ADK: variants seen among roughly 807,000 people sequenced by gnomAD.
The protein encoded by ADK is N6,N6-dimethyladenosine kinase.
In ADK, 24 loss-of-function variants were observed where a neutral mutation model predicts 44.7. That is an observed-to-expected ratio of 0.54 (90% CI 0.39 to 0.76). ADK has a LOEUF of 0.76. Among genes scored for constraint, ADK ranks in the 30% least tolerant of loss-of-function variants. The pLI is 0.00. For synonymous variants in ADK, 128 were observed against 142.6 expected (o/e 0.90, Z 0.73); for missense variants, 321 against 425.1 (o/e 0.76, Z 2.15).
At chr10:74,667,466 A>G (rs1213701305) in intron 9 of ADK, among the ~76,000 whole-genome samples, 2 of 151,762 alleles carry the variant, frequency 1.3e-5, no homozygotes, top group Middle Eastern at 3.4e-3. Context: ...ATATATCTCC[A>G]GAAAAAATCA....
At chr10:74,400,393 T>C (rs575021553) in intron 6 of ADK, among the ~76,000 whole-genome samples, 2 of 152,312 alleles carry the variant, frequency 1.3e-5, no homozygotes, top group South Asian at 4.1e-4. Flanking sequence ...TGGGACGCTG[T>C]ATATTCTTAG....
chr10:74,230,211 A>T (rs894388220), intron 3 of ADK, among the ~76,000 whole-genome samples: 3 of 152,054 alleles, frequency 2.0e-5, no homozygotes, highest in Non-Finnish European at 2.9e-5. Flanking sequence ...GTACAGTTTT[A>T]AAAATATCAT....
At position 74,690,305 on chromosome 10, in the gene ADK, G is replaced by A. The variant is rs189972482; in HGVS notation, c.965-18016G>A. On this transcript the variant is annotated intron_variant, in intron 10 of 10. Coordinates refer to ENST00000539909, the MANE Select transcript of ADK (RefSeq NM_006721.4). Reference sequence around the variant, plus strand: ...AACTCAGGAGTTTGTTACCAGCCTGGGAAACATGGGGAAACCCCATCTCTA... The same window carrying A: ...AACTCAGGAGTTTGTTACCAGCCTGAGAAACATGGGGAAACCCCATCTCTA... Among the ~76,000 whole-genome samples the A allele has an allele frequency of 6.2e-3, 950 of 152,224 alleles. 12 individuals are homozygous for A. Among genetic ancestry groups the A allele is most frequent in the African/African-American group, 0.022 (903 of 41,518 alleles).
chr10:74,334,887 C>G (rs867468431), intron 4 of ADK, among the ~76,000 whole-genome samples: 3 of 152,118 alleles, frequency 2.0e-5, no homozygotes, highest in African/African-American at 7.2e-5. Context: ...TAGGTGCCTT[C>G]ATTCAGAGGC....
At chr10:74,399,231 T>C (rs1408409573) in intron 6 of ADK, among the ~76,000 whole-genome samples, 2 of 151,242 alleles carry the variant, frequency 1.3e-5, no homozygotes, top group African/African-American at 4.9e-5. Context: ...AATGTGGCTT[T>C]ACACAAATAA....
At chr10:74,512,873 T>C (rs1194972349) in intron 6 of ADK, among the ~76,000 whole-genome samples, 2 of 152,064 alleles carry the variant, frequency 1.3e-5, no homozygotes, top group Non-Finnish European at 2.9e-5. Context: ...AAATCTTTCT[T>C]GTTTTTTGAT....
chr10:74,642,593 A>C (rs1158284670), intron 9 of ADK, among the ~76,000 whole-genome samples: 1 of 152,024 alleles, frequency 6.6e-6, no homozygotes, highest in African/African-American at 2.4e-5. Context: ...GGTTACTGAT[A>C]TCATCTTTAC....
chr10:74,324,880 T>G (rs1000491185), intron 4 of ADK, among the ~76,000 whole-genome samples: 3 of 152,190 alleles, frequency 2.0e-5, no homozygotes, highest in Non-Finnish European at 4.4e-5. Flanking sequence ...CAGGGTTCCC[T>G]TAATATTTCG....
intron 6 of ADK, among the ~76,000 whole-genome samples, chr10:74,491,807 T>TC (rs907087015): frequency 5.3e-5 from 8 of 152,090 alleles, no homozygotes; most frequent in Admixed American, 3.3e-4. Flanking sequence ...TGTGTTGCTT[T>TC]CCCCCCCGAT....
intron 9 of ADK, among the ~76,000 whole-genome samples, chr10:74,626,300 A>AAGAGTCT (rs1382450447): frequency 8.0e-5 from 12 of 150,284 alleles, no homozygotes; most frequent in Non-Finnish European, 1.0e-4. Flanking sequence ...TAAAGAGTCT[A>AAGAGTCT]AATTTTTTTT....
At chr10:74,473,045 A>G (rs913601174) in intron 6 of ADK, among the ~76,000 whole-genome samples, 2 of 152,112 alleles carry the variant, frequency 1.3e-5, no homozygotes, top group Non-Finnish European at 2.9e-5. Context: ...GCTGGAAGAC[A>G]GTGATGTGAT....
intron 7 of ADK, among the ~76,000 whole-genome samples, chr10:74,533,465 G>A (rs888957727): frequency 2.6e-5 from 4 of 152,180 alleles, no homozygotes; most frequent in Admixed American, 1.3e-4. Context: ...AGAAGGGAAC[G>A]TCCAGAAATA....
chr10:74,586,562 A>G (rs1346971876), intron 7 of ADK, among the ~76,000 whole-genome samples: 1 of 152,176 alleles, frequency 6.6e-6, no homozygotes, highest in Non-Finnish European at 1.5e-5. Context: ...TTTTAAAAAT[A>G]ATTTTTTTGG....
rs1848992337 is a variant in ADK, at chr10:74,525,261, T to C, written c.561T>C (p.Phe187=). The change falls in exon 7 of 11, where the codon TTT becomes TTC. Residue 187 remains phenylalanine, a synonymous_variant. Transcript: ENST00000539909. ...CTCCTTTTTTCTTCATCCAGGGCTT[T>C]TTTCTTACAGTTTCCCCAGAGTCAG... The part of the protein sequence containing the change: ...EKARVCYIAG[F]FLTVSPESVL... 6.2e-7 allele frequency: 1 copy of C among 1,613,826 alleles called. No individual in the cohort carries two copies. Among genetic ancestry groups the C allele is most frequent in the Non-Finnish European group, 8.5e-7 (1 of 1,179,872 alleles).
chr10:74,542,674 T>C (rs1849680517), intron 7 of ADK, among the ~76,000 whole-genome samples: 1 of 152,102 alleles, frequency 6.6e-6, no homozygotes, highest in South Asian at 2.1e-4. Context: ...CCTCTATAAA[T>C]AATCTCATTA....
At chr10:74,195,637 C>T (rs183548419) in intron 1 of ADK, among the ~76,000 whole-genome samples, 26 of 151,884 alleles carry the variant, frequency 1.7e-4, no homozygotes, top group African/African-American at 6.3e-4. Flanking sequence ...GTGTGCACCA[C>T]CATGCCTGGC....
intron 6 of ADK, among the ~76,000 whole-genome samples, chr10:74,507,270 C>A (rs551132683): frequency 1.8e-4 from 27 of 152,210 alleles, no homozygotes; most frequent in African/African-American, 6.3e-4. Context: ...TGCATTCTTC[C>A]ATAAGCATGT....
chr10:74,176,512 C>CA, intron 1 of ADK: 1 of 1,202,336 alleles, frequency 8.3e-7, no homozygotes, highest in Non-Finnish European at 1.0e-6. Flanking sequence ...GGCGGGCACC[C>CA]AATCTCTCGC....
chr10:74,378,246 G>C (rs1422458483), intron 4 of ADK, among the ~76,000 whole-genome samples: 3 of 151,994 alleles, frequency 2.0e-5, no homozygotes, highest in African/African-American at 7.2e-5. Context: ...AAAGCACTCA[G>C]AGTGAGATTC....
Sources: gnomAD v4.1 joint callset for allele counts (sites outside exome capture counted in the v4.1 genomes callset) on GRCh38, gnomAD v4.1.1 for gene constraint, MANE v1.5 for transcripts, NCBI Gene and HGNC (gene_info 2026-07-23, HGNC 2026-07-21) for gene names.